DDX11: variants seen among roughly 807,000 people sequenced by gnomAD.
DDX11 encodes the protein ATP-dependent DNA helicase DDX11.
Under a neutral mutation model 125.2 loss-of-function variants are expected in DDX11, and 72 were observed. The observed-to-expected ratio is 0.58, with a 90% confidence interval of 0.48 to 0.70. DDX11 has a LOEUF of 0.70. Among genes scored for constraint, DDX11 ranks in the 30% least tolerant of loss-of-function variants. The pLI, the probability that DDX11 is intolerant of heterozygous loss-of-function variation, is 0.00. For synonymous variants in DDX11, 347 were observed against 452.6 expected, an observed-to-expected ratio of 0.77 and a Z score of 2.96; for missense variants, 883 against 1,165.0, an observed-to-expected ratio of 0.76 and a Z score of 3.52.
At chr12:31,079,949 C>T (rs920356458) in intron 2 of DDX11, among the ~76,000 whole-genome samples, 1 of 150,246 alleles carries the variant, frequency 6.7e-6, no homozygotes, top group African/African-American at 2.5e-5. Context: ...ATTAGTTGCT[C>T]CTCAGACTGA....
rs746734517 is a variant in DDX11, at chr12:31,093,322, G to T, written c.1367G>T (p.Gly456Val). The T allele has an allele frequency of 6.2e-7, 1 of 1,613,816 alleles. No individual in the cohort carries two copies. The highest frequency in any genetic ancestry group is 8.5e-7 in the Non-Finnish European group (1 of 1,179,826). ...YLLEKFVAVLGGNIKQNPNTQ... is the reference protein window; with the variant it reads ...YLLEKFVAVLVGNIKQNPNTQ... ...CTGGAGAAATTCGTGGCTGTGCTAGGGGGTGAGAGCCTCGTCCCCCTGCTG... is the reference window on the plus strand; with the variant it reads ...CTGGAGAAATTCGTGGCTGTGCTAGTGGGTGAGAGCCTCGTCCCCCTGCTG... Residue 456 changes from glycine to valine, a missense_variant and splice_region_variant, in exon 12 of 27, where the codon GGG becomes GTG. Gly to Val is a moderately radical substitution (Grantham distance 109). This residue lies in a region of DDX11 where 241 missense variants were observed against 279.7 expected (regional missense o/e 0.86). Coordinates refer to ENST00000542838, the MANE Select transcript of DDX11 (RefSeq NM_030653.4).
intron 15 of DDX11, 105 bp from the exon 16 acceptor site, chr12:31,096,532 T>C: frequency 1.3e-6 from 2 of 1,587,862 alleles, no homozygotes; most frequent in Admixed American, 1.8e-5. Context: ...GGTGGTGGGA[T>C]GTGTGCTGCA....
chr12:31,076,456 T>C (rs1428490511), intron 1 of DDX11, among the ~76,000 whole-genome samples: 1 of 134,222 alleles, frequency 7.5e-6, no homozygotes, highest in Non-Finnish European at 1.6e-5. Flanking sequence ...CTCCCTTCAG[T>C]GAACCTCCCT....
In DDX11 at chr12:31,101,814, C is replaced by G; in HGVS notation, c.2053-19C>G. 1 of 1,613,746 alleles carries G rather than the reference C, an allele frequency of 6.2e-7. No individual in the cohort carries two copies. Among genetic ancestry groups the G allele is most frequent in the Non-Finnish European group, 8.5e-7 (1 of 1,179,746 alleles). On this transcript the variant is annotated intron_variant, in intron 20 of 26. Coordinates refer to ENST00000542838, the MANE Select transcript of DDX11 (RefSeq NM_030653.4). The stretch of plus-strand genomic sequence containing the variant: ...GTTGCTCCATGGGGGCTCCCTCCCT[C>G]CCTCCTTTCCTTCCTTAGATGGACG...
intron 18 of DDX11, chr12:31,100,343 A>G (rs548415501): frequency 6.5e-6 from 2 of 308,768 alleles, no homozygotes; most frequent in Non-Finnish European, 1.2e-5. Flanking sequence ...GGGCCTGGCC[A>G]TGTGTATTTT....
intron 17 of DDX11, 80 bp downstream of exon 17, chr12:31,097,070 C>G: frequency 6.3e-7 from 1 of 1,577,398 alleles, no homozygotes; most frequent in Non-Finnish European, 8.6e-7. Context: ...TGAAAGGATT[C>G]TTTCCTTCCA....
chr12:31,082,155 G>C (rs1473490883), intron 2 of DDX11, among the ~76,000 whole-genome samples: 3 of 141,640 alleles, frequency 2.1e-5, no homozygotes, highest in Non-Finnish European at 3.0e-5. Flanking sequence ...CCTATCCCAG[G>C]GCCTTTCAAG....
chr12:31,097,948 T>A lies in DDX11; in HGVS notation c.1826T>A (p.Val609Glu). The A allele has an allele frequency of 6.2e-7, 1 of 1,613,740 alleles. No homozygotes were observed. The highest frequency in any genetic ancestry group is 8.5e-7 in the Non-Finnish European group (1 of 1,179,818). Residue 609 changes from valine to glutamate, a missense_variant, in exon 18 of 27, where the codon GTG (valine) becomes GAG (glutamate). Around this residue, in one of 5 missense-constraint regions of DDX11, gnomAD observed 241 missense variants for 279.7 expected, o/e 0.86. Coordinates refer to ENST00000542838, the MANE Select transcript of DDX11 (RefSeq NM_030653.4). ...AATCCAGCTGTGCACTTTGCCCAAG[T>A]GGTGAAGGAATGCCGGGCAGTGGTC... ...LLNPAVHFAQ[V>E]VKECRAVVIA...
Position 31,104,573 on chromosome 12 carries a change from A to G in DDX11, c.*737A>G, listed in dbSNP as rs1281857578. 6.4e-6 allele frequency: 1 copy of G among 156,882 alleles called. No individual in the cohort carries two copies. The highest frequency in any genetic ancestry group is 1.4e-5 in the Non-Finnish European group (1 of 70,786). The allele number at this position is 156,882 out of a possible 1,614,324, so 9.7% of individuals were successfully genotyped here. A position where few individuals can be genotyped will look rare whatever the true frequency, so the allele number is the denominator to read the frequency against. On this transcript the variant is annotated 3_prime_UTR_variant, in exon 27 of 27. Coordinates refer to ENST00000542838, the MANE Select transcript of DDX11 (RefSeq NM_030653.4). ...CTATAGAGACCCCGTGTCATCACGG[A>G]GACCTTTGTTCCTGTGGGAAAATAT... is the stretch of plus-strand genomic sequence containing the variant.
intron 2 of DDX11, among the ~76,000 whole-genome samples, chr12:31,083,430 G>A (rs1409301321): frequency 2.6e-5 from 4 of 152,252 alleles, no homozygotes; most frequent in African/African-American, 4.8e-5. Flanking sequence ...CCCTGTTGGC[G>A]AGTACCTGGG....
chr12:31,098,760 C>T lies in DDX11; in HGVS notation c.1875+763C>T, dbSNP rs12581764. Among the ~76,000 whole-genome samples, 774 of 152,276 alleles carry T rather than the reference C, an allele frequency of 5.1e-3. 30 individuals are homozygous for T. In the South Asian group the frequency reaches 0.093, roughly 18 times the overall value. On this transcript the variant is annotated intron_variant, in intron 18 of 26. Coordinates refer to ENST00000542838, the MANE Select transcript of DDX11 (RefSeq NM_030653.4). The stretch of plus-strand genomic sequence containing the variant: ...GGATAGATTCATAGTTTTATTCATT[C>T]GGCATATTAAAAGTTGTTTACAGTA...
At chr12:31,081,234 C>T (rs11051237) in intron 2 of DDX11, among the ~76,000 whole-genome samples, 13,152 of 152,268 alleles carry the variant, frequency 0.086, 701 homozygotes, top group Middle Eastern at 0.21. Context: ...TTACCTTTGA[C>T]ATTCTTCTGT....
chr12:31,080,094 C>T (rs1941580875), intron 2 of DDX11, among the ~76,000 whole-genome samples: 1 of 137,052 alleles, frequency 7.3e-6, no homozygotes, highest in Admixed American at 7.5e-5. Context: ...AAGAACAGGG[C>T]ACAGAAAGGC....
intron 5 of DDX11, among the ~76,000 whole-genome samples, chr12:31,086,541 C>T (rs1434476824): frequency 6.6e-6 from 1 of 152,098 alleles, no homozygotes; most frequent in Non-Finnish European, 1.5e-5. Context: ...GGGTCATAAA[C>T]AGTTTGTGCT....
chr12:31,076,012 T>G (rs201839598), intron 1 of DDX11, among the ~76,000 whole-genome samples: 9,045 of 151,984 alleles, frequency 0.06, 454 homozygotes, highest in East Asian at 0.16. Flanking sequence ...TGAGGAGGAC[T>G]CCTTCTCCAG....
intron 18 of DDX11, 134 bp downstream of exon 18, chr12:31,098,131 T>C (rs1945649854): frequency 1.6e-6 from 1 of 608,452 alleles, no homozygotes; most frequent in African/African-American, 1.9e-5. Context: ...GGCCCAGTGG[T>C]GTCCGCTGGG....
intron 7 of DDX11, 106 bp downstream of exon 7, chr12:31,089,257 A>G (rs1204413981): frequency 7.4e-7 from 1 of 1,353,842 alleles, no homozygotes; most frequent in East Asian, 2.3e-5. Context: ...GACAGGCTGA[A>G]CCGTGTGAGG....
chr12:31,074,032 G>C lies in DDX11; in HGVS notation c.-64G>C, dbSNP rs1219048006. 2 of 152,342 alleles carry C rather than the reference G, an allele frequency of 1.3e-5. No individual in the cohort carries two copies. Among genetic ancestry groups the C allele is most frequent in the African/African-American group, 4.8e-5 (2 of 41,478 alleles). 9.4% of individuals were successfully genotyped at this position (152,342 alleles called of 1,614,324 possible). A position where few individuals can be genotyped will look rare whatever the true frequency, so the allele number is the denominator to read the frequency against. ...ACGAGGAGCAGCGGGACGAGGAAGG[G>C]CAGACTGGTGAAATCGCAAACTGGG... On this transcript the variant is annotated 5_prime_UTR_variant, in exon 1 of 27. Transcript: ENST00000542838.
rs1946281301 is a variant in DDX11, at chr12:31,101,009, C to T, written c.1949-18C>T. The T allele has an allele frequency of 1.7e-5, 27 of 1,607,008 alleles. No homozygotes were observed. The highest frequency in any genetic ancestry group is 2.2e-5 in the Non-Finnish European group (26 of 1,173,690). On this transcript the variant is annotated intron_variant, in intron 19 of 26. Coordinates refer to ENST00000542838, the MANE Select transcript of DDX11 (RefSeq NM_030653.4). ...CACCTGCATCTCCAGTTTTCGGCCCCTCCCTGGCTCTTACCAGGTCACGTG... is the reference window on the plus strand; with the variant it reads ...CACCTGCATCTCCAGTTTTCGGCCCTTCCCTGGCTCTTACCAGGTCACGTG...
Sources: allele counts gnomAD v4.1 joint callset (sites outside exome capture counted in the v4.1 genomes callset), GRCh38; gene constraint gnomAD v4.1.1; regional missense constraint gnomAD v4.1.1; transcripts MANE v1.5; gene names NCBI Gene and HGNC (gene_info 2026-07-23, HGNC 2026-07-21).